Variants in NRXN3 observed in about 807,000 individuals in gnomAD.
NRXN3 encodes the protein neurexin III.
In NRXN3, 32 loss-of-function variants were observed where a neutral mutation model predicts 137.6. The ratio of observed to expected loss-of-function variants is 0.23; its 90% CI spans 0.18 to 0.31. The LOEUF is 0.31. NRXN3 is among the 10% of genes least tolerant of loss of function. The pLI, the probability that NRXN3 is intolerant of heterozygous loss-of-function variation, is 1.00. For synonymous variants in NRXN3, 798 were observed against 784.5 expected (o/e 1.02, Z -0.29); for missense variants, 1,574 against 2,062.5 (o/e 0.76, Z 4.59).
At chr14:79,003,670 A>G (rs1274001084) in intron 15 of NRXN3, among the ~76,000 whole-genome samples, 1 of 152,130 alleles carries the variant, frequency 6.6e-6, no homozygotes, top group Non-Finnish European at 1.5e-5. Context: ...TAATGCAGGA[A>G]TTATTGCCTG....
At chr14:79,381,121 C>T (rs1993009) in intron 15 of NRXN3, among the ~76,000 whole-genome samples, 48,124 of 151,044 alleles carry the variant, frequency 0.32, 8,496 homozygotes, top group Middle Eastern at 0.52. Flanking sequence ...ACAGGTGTCT[C>T]AAGAAAAAAA....
intron 8 of NRXN3, among the ~76,000 whole-genome samples, chr14:78,734,194 A>G (rs985402828): frequency 1.4e-5 from 2 of 143,228 alleles, no homozygotes; most frequent in African/African-American, 5.2e-5. Context: ...AAACACACGT[A>G]TCTGCATCTG....
chr14:78,339,378 TG>T (rs2081899512), intron 4 of NRXN3, among the ~76,000 whole-genome samples: 1 of 152,182 alleles, frequency 6.6e-6, no homozygotes. Flanking sequence ...TAGAGCCTGA[TG>T]TCCACATCAT....
chr14:78,250,222 T>A, intron 2 of NRXN3: 1 of 371,430 alleles, frequency 2.7e-6, no homozygotes, highest in South Asian at 2.0e-5. Context: ...CCATGCTATC[T>A]TGACTCTCAG....
chr14:78,428,386 C>T (rs1378547475), intron 4 of NRXN3, among the ~76,000 whole-genome samples: 1 of 152,112 alleles, frequency 6.6e-6, no homozygotes, highest in Admixed American at 6.6e-5. Context: ...AGCTGTATTC[C>T]CCAATCCTAA....
chr14:79,167,936 G>GT (rs59584874), intron 15 of NRXN3, among the ~76,000 whole-genome samples: 16,776 of 133,812 alleles, frequency 0.13, 1,844 homozygotes, highest in African/African-American at 0.29. Flanking sequence ...TTCTTTCCTT[G>GT]TTTTTTTTTT....
intron 15 of NRXN3, among the ~76,000 whole-genome samples, chr14:79,337,279 C>T (rs2092326007): frequency 6.6e-6 from 1 of 152,164 alleles, no homozygotes; most frequent in African/African-American, 2.4e-5. Context: ...GTTAATTATA[C>T]AGCAGGGAAC....
chr14:79,618,018 A>G (rs1434947033), intron 16 of NRXN3, among the ~76,000 whole-genome samples: 1 of 150,664 alleles, frequency 6.6e-6, no homozygotes, highest in Non-Finnish European at 1.5e-5. Flanking sequence ...TCTTTCTTCT[A>G]CTGATTGAAG....
In NRXN3 at chr14:78,539,663, G is replaced by A. The variant is rs1232880346; in HGVS notation, c.758-105457G>A. 2.0e-5 allele frequency among the ~76,000 whole-genome samples: 3 copies of A among 152,014 alleles called. No homozygotes were observed. The East Asian group carries it at 5.8e-4, about 29-fold the overall frequency. ...TTGCCTTCTGCTAACTTTTGAATTT[G>A]TTTGCTCTTGTTTCTGTCGTTCTTT... is the stretch of plus-strand genomic sequence containing the variant. On this transcript the variant is annotated intron_variant, in intron 4 of 20. Transcript: ENST00000335750.
intron 15 of NRXN3, among the ~76,000 whole-genome samples, chr14:79,291,408 A>G (rs112711825): frequency 5.3e-5 from 8 of 151,750 alleles, no homozygotes; most frequent in African/African-American, 1.9e-4. Flanking sequence ...TTTAGCAGAG[A>G]TGGGGTCTTG....
chr14:78,959,493 A>G (rs2099403882), intron 11 of NRXN3, among the ~76,000 whole-genome samples: 1 of 152,178 alleles, frequency 6.6e-6, no homozygotes, highest in Non-Finnish European at 1.5e-5. Flanking sequence ...GGAATGCATT[A>G]GCTTATTAAA....
At chr14:78,195,629 CG>C (rs1484700129) in intron 1 of NRXN3, among the ~76,000 whole-genome samples, 2 of 152,090 alleles carry the variant, frequency 1.3e-5, no homozygotes, top group Non-Finnish European at 2.9e-5. Flanking sequence ...GCGAGAGCAA[CG>C]GAAGAGCTGA....
intron 2 of NRXN3, among the ~76,000 whole-genome samples, chr14:78,256,317 C>T (rs1229845969): frequency 6.6e-6 from 1 of 152,198 alleles, no homozygotes; most frequent in African/African-American, 2.4e-5. Flanking sequence ...GATGATGATA[C>T]ACTGGCAGGA....
intron 15 of NRXN3, among the ~76,000 whole-genome samples, chr14:78,993,529 A>G (rs1323735070): frequency 6.6e-6 from 1 of 152,200 alleles, no homozygotes; most frequent in African/African-American, 2.4e-5. Flanking sequence ...CCCAGCGAAT[A>G]GGCCATATGT....
intron 19 of NRXN3, among the ~76,000 whole-genome samples, chr14:79,727,172 G>A (rs1446786541): frequency 2.0e-5 from 3 of 152,082 alleles, no homozygotes; most frequent in South Asian, 2.1e-4. Context: ...ATATATTTCC[G>A]ATAAGCTTTT....
chr14:78,294,472 C>T (rs1167577194), intron 3 of NRXN3, among the ~76,000 whole-genome samples: 1 of 148,682 alleles, frequency 6.7e-6, no homozygotes, highest in African/African-American at 2.5e-5. Flanking sequence ...AGGAGAATCA[C>T]TTGAATCTGG....
intron 20 of NRXN3, among the ~76,000 whole-genome samples, chr14:79,857,600 A>AT (rs996300529): frequency 1.8e-4 from 6 of 34,232 alleles, no homozygotes; most frequent in African/African-American, 5.9e-4. Flanking sequence ...TGTGCCTTTG[A>AT]TCCCCCAGGA....
intron 16 of NRXN3, among the ~76,000 whole-genome samples, chr14:79,587,997 G>A (rs1381708277): frequency 1.3e-5 from 2 of 152,118 alleles, no homozygotes. Context: ...GATATATGTA[G>A]CTAGGTGACT....
At chr14:79,348,433 T>C (rs1425997320) in intron 15 of NRXN3, among the ~76,000 whole-genome samples, 5 of 150,268 alleles carry the variant, frequency 3.3e-5, no homozygotes, top group Admixed American at 6.7e-5. Flanking sequence ...TGGAGTGCAG[T>C]GGCGCGATCT....
Sources: allele counts gnomAD v4.1 joint callset (sites outside exome capture counted in the v4.1 genomes callset), GRCh38; gene constraint gnomAD v4.1.1; transcripts MANE v1.5; gene names NCBI Gene and HGNC (gene_info 2026-07-23, HGNC 2026-07-21).